POU2AF2: variants seen among roughly 807,000 people sequenced by gnomAD.
POU2AF2 encodes POU class 2 homeobox associating factor 2, also known as POU domain class 2-associating factor 2.
At chr11:111,279,352 A>G in the POU2AF2 span, among the ~76,000 whole-genome samples, 1 of 152,312 alleles carries the variant, frequency 6.6e-6, no homozygotes, top group African/African-American at 2.4e-5. Context: ...GTAACAAGTT[A>G]CCACAAATGG....
the POU2AF2 span, among the ~76,000 whole-genome samples, chr11:111,259,956 C>T: frequency 6.6e-6 from 1 of 152,186 alleles, no homozygotes; most frequent in Non-Finnish European, 1.5e-5. Context: ...GCATGAATTG[C>T]CCTTACTGTC....
At chr11:111,279,787 A>T in the POU2AF2 span, among the ~76,000 whole-genome samples, 1 of 152,028 alleles carries the variant, frequency 6.6e-6, no homozygotes, top group African/African-American at 2.4e-5. Flanking sequence ...TATGCCTGAA[A>T]TTCCAGCAAT....
At chr11:111,273,231 T>C in the POU2AF2 span, among the ~76,000 whole-genome samples, 2 of 152,216 alleles carry the variant, frequency 1.3e-5, no homozygotes, top group Non-Finnish European at 2.9e-5. Flanking sequence ...TATCCATTTT[T>C]TTTTTCTGGG....
At chr11:111,276,453 A>AAAAAAATATATATATAT in the POU2AF2 span, among the ~76,000 whole-genome samples, 7 of 37,656 alleles carry the variant, frequency 1.9e-4, no homozygotes, top group Admixed American at 7.1e-4. Flanking sequence ...AAAAAAAAAA[A>AAAAAAATATATATATAT]ATATATATAT....
chr11:111,246,511 T>G, the POU2AF2 span, among the ~76,000 whole-genome samples: 1 of 152,180 alleles, frequency 6.6e-6, no homozygotes, highest in African/African-American at 2.4e-5. Flanking sequence ...TGTTAACAAA[T>G]GATGACAGAG....
chr11:111,250,135 G>A, the POU2AF2 span, among the ~76,000 whole-genome samples: 4 of 151,946 alleles, frequency 2.6e-5, no homozygotes, highest in East Asian at 5.8e-4. Flanking sequence ...CTCTTTCCCC[G>A]ACCTTCTTGA....
At chr11:111,285,912 T>C in the POU2AF2 span, 63 of 1,613,868 alleles carry the variant, frequency 3.9e-5, 2 homozygotes, top group South Asian at 6.6e-4. Flanking sequence ...TTCATGACGG[T>C]GTCAAATGAC....
the POU2AF2 span, among the ~76,000 whole-genome samples, chr11:111,274,209 G>T: frequency 6.6e-6 from 1 of 152,064 alleles, no homozygotes; most frequent in South Asian, 2.1e-4. Context: ...CTTACCAGTG[G>T]CACCCTTCCC....
At chr11:111,252,242 C>T in the POU2AF2 span, among the ~76,000 whole-genome samples, 2 of 152,132 alleles carry the variant, frequency 1.3e-5, no homozygotes, top group Non-Finnish European at 2.9e-5. Context: ...GAGTTGACCA[C>T]CCCACCTCCA....
At chr11:111,280,481 C>T in the POU2AF2 span, among the ~76,000 whole-genome samples, 1 of 152,168 alleles carries the variant, frequency 6.6e-6, no homozygotes, top group Admixed American at 6.5e-5. Flanking sequence ...AAATGGCATG[C>T]CTTTCTCAGT....
At chr11:111,253,476 C>T in the POU2AF2 span, among the ~76,000 whole-genome samples, 1 of 152,188 alleles carries the variant, frequency 6.6e-6, no homozygotes, top group African/African-American at 2.4e-5. Context: ...ATGGTGGAAA[C>T]TTGAGATTCA....
At chr11:111,254,203 C>G in the POU2AF2 span, among the ~76,000 whole-genome samples, 2 of 152,160 alleles carry the variant, frequency 1.3e-5, no homozygotes, top group African/African-American at 4.8e-5. Flanking sequence ...ATTTAGATTC[C>G]TTTGGAACAA....
At chr11:111,279,219 A>G in the POU2AF2 span, among the ~76,000 whole-genome samples, 2 of 152,054 alleles carry the variant, frequency 1.3e-5, no homozygotes, top group Admixed American at 1.3e-4. Context: ...CTCCCACCCC[A>G]TTCTTGACAC....
At chr11:111,283,051 CT>C in the POU2AF2 span, among the ~76,000 whole-genome samples, 1 of 129,024 alleles carries the variant, frequency 7.8e-6, no homozygotes, top group African/African-American at 3.0e-5. Flanking sequence ...CCAAGGAAAA[CT>C]TTTTACTTTT....
the POU2AF2 span, among the ~76,000 whole-genome samples, chr11:111,246,898 C>T: frequency 6.6e-6 from 1 of 152,160 alleles, no homozygotes; most frequent in Non-Finnish European, 1.5e-5. Context: ...TTATGTTGTA[C>T]ATTATATCTC....
the POU2AF2 span, among the ~76,000 whole-genome samples, chr11:111,276,744 T>A: frequency 1.5e-5 from 2 of 133,644 alleles, no homozygotes; most frequent in African/African-American, 2.7e-5. Context: ...ATCTTCAAAG[T>A]GCTAAGAAAA....
chr11:111,279,114 A>T, the POU2AF2 span, among the ~76,000 whole-genome samples: 2 of 152,122 alleles, frequency 1.3e-5, no homozygotes, highest in African/African-American at 4.8e-5. Flanking sequence ...GCTCCAGGAC[A>T]TCTCGGAGCC....
the POU2AF2 span, among the ~76,000 whole-genome samples, chr11:111,257,771 T>C: frequency 6.6e-6 from 1 of 152,240 alleles, no homozygotes; most frequent in South Asian, 2.1e-4. Context: ...TGTCTGCTCC[T>C]AGTTCAGTGC....
At chr11:111,276,125 T>C in the POU2AF2 span, among the ~76,000 whole-genome samples, 1 of 151,966 alleles carries the variant, frequency 6.6e-6, no homozygotes, top group Non-Finnish European at 1.5e-5. Flanking sequence ...TTTTTCAGAA[T>C]TTATGAACGA....
Sources: gnomAD v4.1 joint callset for allele counts (sites outside exome capture counted in the v4.1 genomes callset) on GRCh38, gnomAD v4.1.1 for gene constraint, MANE v1.5 for transcripts, NCBI Gene and HGNC (gene_info 2026-07-23, HGNC 2026-07-21) for gene names.